MRC1: variants seen among roughly 807,000 people sequenced by gnomAD.
MRC1 encodes the protein macrophage mannose receptor 1.
MRC1 carries 62 observed loss-of-function variants against 102.9 expected under a neutral mutation model. The ratio of observed to expected loss-of-function variants is 0.60; its 90% CI spans 0.49 to 0.74. The LOEUF (loss-of-function observed/expected upper bound fraction) is 0.74, where lower values mean the gene tolerates loss of function less well. Among genes scored for constraint, MRC1 ranks in the 30% least tolerant of loss-of-function variants. The pLI is 0.00. For synonymous variants in MRC1, 457 were observed against 298.4 expected, an observed-to-expected ratio of 1.53 and a Z score of -5.48; for missense variants, 1,237 against 862.8, an observed-to-expected ratio of 1.43 and a Z score of -5.43.
chr10:17,848,902 C>T (rs1246764125), intron 6 of MRC1, among the ~76,000 whole-genome samples: 1 of 152,068 alleles, frequency 6.6e-6, no homozygotes, highest in Non-Finnish European at 1.5e-5. Context: ...CCGTTTGTCC[C>T]CCAGCCATTC....
rs1833510221 is a variant in MRC1, at chr10:17,881,171, A to G, written c.2970A>G (p.Glu990=). 1.3e-6 allele frequency: 1 copy of G among 780,442 alleles called. No individual in the cohort carries two copies. The highest frequency in any genetic ancestry group is 1.7e-5 in the African/African-American group (1 of 59,120). 48.3% of individuals were successfully genotyped at this position (780,442 alleles called of 1,614,324 possible). Residue 990 remains glutamate (E), a synonymous_variant, in exon 21 of 30, where the codon GAA becomes GAG. Coordinates refer to ENST00000569591, the MANE Select transcript of MRC1 (RefSeq NM_002438.4). ...FGGNLVSIQN[E]KEQAFLTYHM... Reference sequence around the variant, plus strand: ...GGAATCTGGTCTCCATACAAAATGAAAAAGAGCAAGGTAGGCAGGCCATTT... The same window carrying G: ...GGAATCTGGTCTCCATACAAAATGAGAAAGAGCAAGGTAGGCAGGCCATTT...
intron 23 of MRC1, among the ~76,000 whole-genome samples, chr10:17,896,738 C>G (rs1035743122): frequency 1.5e-4 from 23 of 151,988 alleles, no homozygotes; most frequent in Non-Finnish European, 3.4e-4. Flanking sequence ...CAAGATCAGC[C>G]TGAGCAACAG....
At position 17,827,575 on chromosome 10, in the gene MRC1, C is replaced by A. The variant is rs1235015595; in HGVS notation, c.497C>A (p.Ala166Glu). The change falls in exon 3 of 30, where the codon GCA becomes GAA. Residue 166 changes from alanine (A) to glutamate (E), a missense_variant. Physicochemically the swap from Ala to Glu is moderately radical, Grantham distance 107. Transcript: ENST00000569591. ...MYTLLGNANGATCAFPFKFEN... is the reference protein window; with the variant it reads ...MYTLLGNANGETCAFPFKFEN... ...ACGCTACTAGGCAATGCCAATGGAG[C>A]AACCTGTGCATTCCCGTTCAAGTTT... is the stretch of plus-strand genomic sequence containing the variant. The A allele has an allele frequency of 1.2e-5, 9 of 780,756 alleles. No homozygotes were observed. In the Admixed American group the frequency reaches 1.4e-4, roughly 12 times the overall value. 48.4% of individuals were successfully genotyped at this position (780,756 alleles called of 1,614,324 possible).
chr10:17,894,346 G>T (rs1554843310), intron 23 of MRC1, 34 bp downstream of exon 23: 2 of 854,354 alleles, frequency 2.3e-6, no homozygotes, highest in Non-Finnish European at 4.1e-6. Flanking sequence ...TCCTGAAAGA[G>T]CTGGGGTTTT....
At chr10:17,824,907 A>G (rs978545989) in intron 2 of MRC1, among the ~76,000 whole-genome samples, 3 of 152,188 alleles carry the variant, frequency 2.0e-5, no homozygotes, top group Non-Finnish European at 1.5e-5. Flanking sequence ...AAACTTTAAT[A>G]TGCTTAAGAA....
At chr10:17,908,760 G>A (rs1326249941) in intron 28 of MRC1, among the ~76,000 whole-genome samples, 1 of 152,118 alleles carries the variant, frequency 6.6e-6, no homozygotes, top group African/African-American at 2.4e-5. Flanking sequence ...ATAGAGATGG[G>A]GTTTCACTAT....
chr10:17,814,763 G>A (rs1039302002), intron 1 of MRC1, among the ~76,000 whole-genome samples: 8 of 128,072 alleles, frequency 6.2e-5, no homozygotes, highest in Admixed American at 2.9e-4. Context: ...TCGGCTCACC[G>A]CAACCTCTGC....
chr10:17,824,409 G>A (rs1838443030), intron 2 of MRC1, among the ~76,000 whole-genome samples: 1 of 152,090 alleles, frequency 6.6e-6, no homozygotes, highest in Non-Finnish European at 1.5e-5. Context: ...GCTATGTTAC[G>A]GGGCTACTAA....
At chr10:17,812,567 C>CTTTTTTTT in intron 1 of MRC1, among the ~76,000 whole-genome samples, 1 of 79,908 alleles carries the variant, frequency 1.3e-5, no homozygotes, top group Non-Finnish European at 2.2e-5. Flanking sequence ...CAACAGTAGG[C>CTTTTTTTT]TTTTTTTTTT....
chr10:17,856,598 AAG>A (rs1410077967), intron 9 of MRC1, among the ~76,000 whole-genome samples: 6 of 152,182 alleles, frequency 3.9e-5, no homozygotes, highest in East Asian at 3.9e-4. Context: ...TGGGAATTGG[AAG>A]AGAGAGAACA....
chr10:17,826,809 G>C (rs901300982), intron 2 of MRC1, among the ~76,000 whole-genome samples: 41 of 152,262 alleles, frequency 2.7e-4, no homozygotes, highest in African/African-American at 9.4e-4. Context: ...TTGTTGAAAA[G>C]AAAAACCTTG....
intron 8 of MRC1, among the ~76,000 whole-genome samples, chr10:17,855,163 T>C (rs1833064908): frequency 6.6e-6 from 1 of 152,160 alleles, no homozygotes; most frequent in South Asian, 2.1e-4. Flanking sequence ...GCAGAAAAGA[T>C]GACTGTGGTT....
At chr10:17,869,009 A>G (rs924764076) in intron 12 of MRC1, among the ~76,000 whole-genome samples, 2 of 152,158 alleles carry the variant, frequency 1.3e-5, no homozygotes, top group Non-Finnish European at 2.9e-5. Flanking sequence ...ATGTTAGGCG[A>G]TGGAGATTTA....
In MRC1 at chr10:17,870,949, C is replaced by A. The variant is rs2130676318; in HGVS notation, c.2199+14C>A. Reference sequence around the variant, plus strand: ...GATGGTTCTCCTGTGAGTAATTTTACTTACTATATAACTTTCTTACTTTAT... The same window carrying A: ...GATGGTTCTCCTGTGAGTAATTTTAATTACTATATAACTTTCTTACTTTAT... On this transcript the variant is annotated intron_variant, in intron 14 of 29. Coordinates refer to ENST00000569591, the MANE Select transcript of MRC1 (RefSeq NM_002438.4). The A allele has an allele frequency of 2.3e-6, 2 of 870,864 alleles. No individual in the cohort carries two copies. The highest frequency in any genetic ancestry group is 2.4e-5 in the East Asian group (1 of 41,664). 53.9% of individuals were successfully genotyped at this position (870,864 alleles called of 1,614,324 possible).
chr10:17,825,993 TAAC>T (rs1838468799), intron 2 of MRC1, among the ~76,000 whole-genome samples: 1 of 152,126 alleles, frequency 6.6e-6, no homozygotes, highest in African/African-American at 2.4e-5. Flanking sequence ...TTAAAGTTAT[TAAC>T]AACTACCTTT....
intron 24 of MRC1, 120 bp downstream of exon 24, chr10:17,898,386 G>A (rs2130714512): frequency 1.3e-6 from 1 of 761,126 alleles, no homozygotes; most frequent in Middle Eastern, 2.7e-4. Flanking sequence ...TAGGCAATGT[G>A]AATGATACTA....
chr10:17,846,205 G>A (rs565180013), intron 6 of MRC1, among the ~76,000 whole-genome samples: 2 of 151,920 alleles, frequency 1.3e-5, no homozygotes, highest in African/African-American at 4.8e-5. Context: ...ACCGTGCCTG[G>A]CCTGTAACTG....
intron 17 of MRC1, 61 bp from the exon 18 acceptor site, chr10:17,877,839 T>A (rs1833458050): frequency 1.1e-6 from 1 of 870,190 alleles, no homozygotes. Context: ...GTATGTTTTG[T>A]TTAAGAACTT....
chr10:17,903,396 T>TC (rs1313668904), intron 26 of MRC1, among the ~76,000 whole-genome samples: 1 of 135,692 alleles, frequency 7.4e-6, no homozygotes, highest in African/African-American at 2.7e-5. Context: ...TTTTTTCTTT[T>TC]TTTTTTTTTT....
Sources: allele counts gnomAD v4.1 joint callset (sites outside exome capture counted in the v4.1 genomes callset), GRCh38; gene constraint gnomAD v4.1.1; transcripts MANE v1.5; gene names NCBI Gene and HGNC (gene_info 2026-07-23, HGNC 2026-07-21).